The following CAB39 variants were observed in gnomAD, a reference collection of about 807,000 sequenced individuals.
CAB39 encodes calcium-binding protein 39.
Under a neutral mutation model 40.0 loss-of-function variants are expected in CAB39, and 8 were observed. That is an observed-to-expected ratio of 0.20 (90% CI 0.12 to 0.36). CAB39 has a LOEUF of 0.36. Among genes scored for constraint, CAB39 ranks in the 10% least tolerant of loss-of-function variants. CAB39 has a pLI of 1.00. For missense variants in CAB39, 270 were observed against 401.1 expected, an observed-to-expected ratio of 0.67 and a Z score of 2.79; for synonymous variants, 156 against 141.6, an observed-to-expected ratio of 1.10 and a Z score of -0.72.
intron 5 of CAB39, among the ~76,000 whole-genome samples, chr2:230,808,848 C>T (rs1424468424): frequency 2.0e-5 from 3 of 152,198 alleles, no homozygotes; most frequent in South Asian, 2.1e-4. Flanking sequence ...CAGACATGTT[C>T]CCTGATTTTA....
chr2:230,717,267 CATT>C (rs1449193477), intron 1 of CAB39, among the ~76,000 whole-genome samples: 14 of 152,092 alleles, frequency 9.2e-5, no homozygotes, highest in African/African-American at 2.7e-4. Context: ...AAAGATCTGG[CATT>C]ATTATGAAGT....
chr2:230,774,969 A>G (rs1242033068), intron 2 of CAB39, among the ~76,000 whole-genome samples: 5 of 152,110 alleles, frequency 3.3e-5, no homozygotes, highest in Admixed American at 3.3e-4. Context: ...CTGTCAGTTC[A>G]CTTTTAGATT....
At chr2:230,797,991 G>A (rs540947362) in intron 4 of CAB39, among the ~76,000 whole-genome samples, 1 of 152,168 alleles carries the variant, frequency 6.6e-6, no homozygotes. Flanking sequence ...GGGCGGAAGA[G>A]TCCAGTCAGA....
chr2:230,786,749 A>G lies in CAB39; in HGVS notation c.115-4123A>G, dbSNP rs2069082. 3.0e-3 allele frequency among the ~76,000 whole-genome samples: 461 copies of G among 152,334 alleles called. 10 individuals are homozygous for G. Among genetic ancestry groups the G allele is most frequent in the Admixed American group, 0.027 (410 of 15,314 alleles). The stretch of plus-strand genomic sequence containing the variant: ...AATAGATAATGCATTCACAAAACCT[A>G]TTAGGTATCAGATTCTTCCTGTCAA... On this transcript the variant is annotated intron_variant, in intron 2 of 8. Coordinates refer to ENST00000258418, the MANE Select transcript of CAB39 (RefSeq NM_016289.4).
In CAB39 at chr2:230,817,744, G is replaced by A; in HGVS notation, c.694-10G>A. 1 of 1,564,104 alleles carries A rather than the reference G, an allele frequency of 6.4e-7. No individual in the cohort carries two copies. Among genetic ancestry groups the A allele is most frequent in the Non-Finnish European group, 8.6e-7 (1 of 1,159,100 alleles). ...TTAATAACAAGGTAATTGTTTAAATGTCTTCTCAGCTTCTCGGTGAACTAC... is the reference window on the plus strand; with the variant it reads ...TTAATAACAAGGTAATTGTTTAAATATCTTCTCAGCTTCTCGGTGAACTAC... On this transcript the variant is annotated splice_polypyrimidine_tract_variant and intron_variant, in intron 7 of 8. Coordinates refer to ENST00000258418, the MANE Select transcript of CAB39 (RefSeq NM_016289.4).
In CAB39 at chr2:230,803,955, C is replaced by G. The variant is rs181855930; in HGVS notation, c.567+5058C>G. Among the ~76,000 whole-genome samples, 8 of 152,164 alleles carry G rather than the reference C, an allele frequency of 5.3e-5. No individual in the cohort carries two copies. The East Asian group carries it at 1.5e-3, about 29-fold the overall frequency. ...CGCATTGCCAAGACAATCGTAAGCA[C>G]AAAGAACAAAGCTGGAGGCATCACA... On this transcript the variant is annotated intron_variant, in intron 5 of 8. Coordinates refer to ENST00000258418, the MANE Select transcript of CAB39 (RefSeq NM_016289.4).
At chr2:230,768,729 C>T (rs1250659219) in intron 2 of CAB39, among the ~76,000 whole-genome samples, 1 of 152,054 alleles carries the variant, frequency 6.6e-6, no homozygotes, top group African/African-American at 2.4e-5. Context: ...ATTGACAAAA[C>T]ACAGTACAAA....
chr2:230,789,730 G>A (rs1466024825), intron 2 of CAB39, among the ~76,000 whole-genome samples: 1 of 152,136 alleles, frequency 6.6e-6, no homozygotes, highest in Non-Finnish European at 1.5e-5. Context: ...TTTCCTCTCT[G>A]CCACTCTGCC....
At chr2:230,818,442 C>T (rs751587193) in intron 8 of CAB39, 74 bp from the exon 9 acceptor site, 1 of 1,233,286 alleles carries the variant, frequency 8.1e-7, no homozygotes, top group Non-Finnish European at 1.2e-6. Context: ...TGCTTTTCTG[C>T]ACTGTGGCCG....
At chr2:230,783,944 T>G (rs1032510327) in intron 2 of CAB39, among the ~76,000 whole-genome samples, 1 of 152,232 alleles carries the variant, frequency 6.6e-6, no homozygotes, top group Non-Finnish European at 1.5e-5. Context: ...ATGAAGCATT[T>G]TAAGCAACAG....
chr2:230,743,663 A>T (rs1487167705), intron 1 of CAB39, among the ~76,000 whole-genome samples: 3 of 152,214 alleles, frequency 2.0e-5, no homozygotes, highest in Non-Finnish European at 1.5e-5. Context: ...TAACTAGAAG[A>T]AACTCATTTA....
chr2:230,782,293 A>G (rs1344138832), intron 2 of CAB39, among the ~76,000 whole-genome samples: 1 of 152,128 alleles, frequency 6.6e-6, no homozygotes, highest in Non-Finnish European at 1.5e-5. Context: ...TATATTTTTC[A>G]AGCTTTTTGT....
intron 1 of CAB39, chr2:230,725,358 C>G (rs1694545507): frequency 1.3e-6 from 2 of 1,595,976 alleles, no homozygotes; most frequent in Non-Finnish European, 1.7e-6. Context: ...GGCTTCTCCC[C>G]CATGGGCTCT....
In CAB39 at chr2:230,764,454, G is replaced by A. The variant is rs1695347462; in HGVS notation, c.114+4339G>A. On this transcript the variant is annotated intron_variant, in intron 2 of 8. Transcript: ENST00000258418. ...TGACTTAACAATATTTTCAACTTTT[G>A]ATGGGTATATCTGCATGTAGCTCCA... Among the ~76,000 whole-genome samples, 5 of 152,176 alleles carry A rather than the reference G, an allele frequency of 3.3e-5. No homozygotes were observed. In the South Asian group the frequency reaches 1.0e-3, roughly 32 times the overall value.
chr2:230,722,414 C>G (rs1332614125), intron 1 of CAB39, among the ~76,000 whole-genome samples: 1 of 152,188 alleles, frequency 6.6e-6, no homozygotes, highest in Non-Finnish European at 1.5e-5. Flanking sequence ...GCCTCAGCAT[C>G]CCAGAATGCT....
intron 1 of CAB39, among the ~76,000 whole-genome samples, chr2:230,723,521 G>A (rs943404048): frequency 6.6e-6 from 1 of 152,148 alleles, no homozygotes; most frequent in African/African-American, 2.4e-5. Context: ...TTCCTGGAGT[G>A]TGTTGCCTTT....
At chr2:230,745,813 G>A (rs1032260295) in intron 1 of CAB39, among the ~76,000 whole-genome samples, 1 of 152,060 alleles carries the variant, frequency 6.6e-6, no homozygotes, top group Non-Finnish European at 1.5e-5. Context: ...TTTTAGTAGA[G>A]ACGGGGTTTC....
intron 4 of CAB39, among the ~76,000 whole-genome samples, chr2:230,795,409 A>G (rs1695967345): frequency 1.3e-5 from 2 of 152,176 alleles, no homozygotes; most frequent in African/African-American, 4.8e-5. Context: ...TTGTAGAAAA[A>G]TCATATATTT....
At position 230,819,875 on chromosome 2, in the gene CAB39, T is replaced by A. The variant is rs1167560530; in HGVS notation, c.*1171T>A. On this transcript the variant is annotated 3_prime_UTR_variant, in exon 9 of 9. Transcript: ENST00000258418. ...ATTCTTTGTGTGTGTGGGAAATCTCTGTAGAGCACCTTTTCTTTCTTAGAC... is the reference window on the plus strand; with the variant it reads ...ATTCTTTGTGTGTGTGGGAAATCTCAGTAGAGCACCTTTTCTTTCTTAGAC... 6.6e-6 allele frequency: 1 copy of A among 152,650 alleles called. No individual in the cohort carries two copies. The allele number at this position is 152,650 out of a possible 1,614,324, so 9.5% of individuals were successfully genotyped here.
Sources: gnomAD v4.1 joint callset for allele counts (sites outside exome capture counted in the v4.1 genomes callset) on GRCh38, gnomAD v4.1.1 for gene constraint, MANE v1.5 for transcripts, NCBI Gene and HGNC (gene_info 2026-07-23, HGNC 2026-07-21) for gene names.